Variants in LRCH2 observed in about 807,000 individuals in gnomAD.
The protein encoded by LRCH2 is leucine-rich repeat and calponin homology domain-containing protein 2.
A neutral mutation model predicts 68.9 loss-of-function variants in LRCH2; 38 were observed. That is an observed-to-expected ratio of 0.55 (90% confidence interval 0.43 to 0.72). LRCH2 has a LOEUF of 0.72. LRCH2 is among the 30% of genes least tolerant of loss of function. The pLI is 0.00. For missense variants in LRCH2, 528 were observed against 572.9 expected (o/e 0.92, Z 0.80); for synonymous variants, 191 against 208.1 (o/e 0.92, Z 0.71).
chrX:115,144,122 A>T (rs782131149), intron 14 of LRCH2, among the ~76,000 whole-genome samples: 6 of 110,976 alleles, frequency 5.4e-5, no homozygotes, highest in African/African-American at 9.8e-5. Flanking sequence ...TGATTTGAAA[A>T]ACAGGAGTTT....
At chrX:115,119,273 T>C (rs1251173346) in intron 20 of LRCH2, among the ~76,000 whole-genome samples, 3 of 108,902 alleles carry the variant, frequency 2.8e-5, no homozygotes, top group Admixed American at 9.9e-5. Context: ...GAAAACCCCA[T>C]TGTCTCAGCC....
chrX:115,219,768 G>A (rs150987113), intron 1 of LRCH2, among the ~76,000 whole-genome samples: 282 of 111,906 alleles, frequency 2.5e-3, no homozygotes, highest in African/African-American at 8.3e-3. Context: ...CCTTGAGGCC[G>A]CCTCCTGTAA....
chrX:115,218,372 C>T (rs182875227), intron 1 of LRCH2, among the ~76,000 whole-genome samples: 2 of 112,063 alleles, frequency 1.8e-5, no homozygotes, highest in East Asian at 5.7e-4. Flanking sequence ...ACGCTGACTT[C>T]CTAGAACTAA....
chrX:115,133,007 GT>G (rs2072259114), intron 14 of LRCH2, among the ~76,000 whole-genome samples: 1 of 111,138 alleles, frequency 9.0e-6, no homozygotes, highest in Non-Finnish European at 1.9e-5. Context: ...GAGAAATTTG[GT>G]AAGTCAAAAT....
chrX:115,130,414 G>A (rs1267459714), intron 14 of LRCH2, among the ~76,000 whole-genome samples: 1 of 111,845 alleles, frequency 8.9e-6, no homozygotes, highest in Non-Finnish European at 1.9e-5. Context: ...ACTTTATACA[G>A]ATCAAGTAAC....
At chrX:115,140,952 G>T (rs1262622792) in intron 14 of LRCH2, among the ~76,000 whole-genome samples, 1 of 111,268 alleles carries the variant, frequency 9.0e-6, no homozygotes. Flanking sequence ...CACACTTGAG[G>T]CCAGGCGTGG....
rs1556522859 is a variant in LRCH2 at position 115,111,978 on chromosome X, T to C, written c.*1238A>G. The C allele has an allele frequency of 8.9e-6, 1 of 112,293 alleles. No individual in the cohort carries two copies. The highest frequency in any genetic ancestry group is 3.2e-5 in the African/African-American group (1 of 30,928). 9.3% of individuals were successfully genotyped at this position (112,293 alleles called of 1,213,427 possible). A position where few individuals can be genotyped will look rare whatever the true frequency, so the allele number is the denominator to read the frequency against. ...TCAGTTATTCATTACAGTAATGTTT[T>C]TGAAAAATTCCTGCAATACCACCAA... is the stretch of plus-strand genomic sequence containing the variant. On this transcript the variant is annotated 3_prime_UTR_variant, in exon 21 of 21. Transcript: ENST00000317135.
chrX:115,197,149 T>G (rs1556563655), intron 1 of LRCH2, among the ~76,000 whole-genome samples: 1 of 111,657 alleles, frequency 9.0e-6, no homozygotes, highest in Non-Finnish European at 1.9e-5. Flanking sequence ...AAGTCCCCCA[T>G]CCACGTGAAA....
At chrX:115,218,677 C>T (rs1024283832) in intron 1 of LRCH2, among the ~76,000 whole-genome samples, 2 of 112,216 alleles carry the variant, frequency 1.8e-5, no homozygotes, top group Admixed American at 1.9e-4. Flanking sequence ...TGCAACCAAT[C>T]AGATTGATTG....
chrX:115,234,033 C>T lies in LRCH2; in HGVS notation c.9G>A (p.Ala3=), dbSNP rs1161605786. The change falls in exon 1 of 21, where the codon GCG becomes GCA. Residue 3 remains alanine, a synonymous_variant. Transcript: ENST00000317135. Reference sequence around the variant, plus strand: ...CACTGTTACCGCCTCCTCCCTGACTCGCCGCCATGTTCCTGGGAGAGAGAA... The same window carrying T: ...CACTGTTACCGCCTCCTCCCTGACTTGCCGCCATGTTCCTGGGAGAGAGAA... The part of the protein sequence containing the change: MA[A]SQGGGGNSGG... 21 of 1,165,678 alleles carry T rather than the reference C, an allele frequency of 1.8e-5. No homozygotes were observed. The highest frequency in any genetic ancestry group is 1.8e-5 in the Non-Finnish European group (16 of 872,375).
intron 1 of LRCH2, chrX:115,189,321 C>A: frequency 1.4e-6 from 1 of 726,753 alleles, no homozygotes; most frequent in Non-Finnish European, 2.0e-6. Context: ...TCTTTTCCTT[C>A]TTGAGACATC....
intron 1 of LRCH2, chrX:115,189,324 G>C (rs1337066867): frequency 2.7e-6 from 2 of 753,441 alleles, no homozygotes; most frequent in Non-Finnish European, 3.8e-6. Flanking sequence ...TTTCCTTCTT[G>C]AGACATCCAC....
intron 1 of LRCH2, among the ~76,000 whole-genome samples, chrX:115,232,779 A>C (rs2073161393): frequency 8.9e-6 from 1 of 111,920 alleles, no homozygotes; most frequent in South Asian, 3.7e-4. Flanking sequence ...AAAGTAAAAA[A>C]AAACCTTTCA....
At chrX:115,118,810 C>T (rs2072108075) in intron 20 of LRCH2, among the ~76,000 whole-genome samples, 1 of 110,259 alleles carries the variant, frequency 9.1e-6, no homozygotes, top group African/African-American at 3.3e-5. Context: ...CATCAAAAAG[C>T]TTATCCACCA....
chrX:115,136,275 C>A lies in LRCH2; in HGVS notation c.1696-6076G>T, dbSNP rs2072289165. ...TCTTGATATCTGCAAGGGATTGGTT[C>A]CAAGACCCCTACCCCCGCCTCACCC... On this transcript the variant is annotated intron_variant, in intron 14 of 20. Coordinates refer to ENST00000317135, the MANE Select transcript of LRCH2 (RefSeq NM_020871.4). 4.5e-5 allele frequency among the ~76,000 whole-genome samples: 5 copies of A among 111,057 alleles called. No individual in the cohort carries two copies. The South Asian group carries it at 1.9e-3, about 42-fold the overall frequency.
intron 3 of LRCH2, among the ~76,000 whole-genome samples, chrX:115,180,292 C>T (rs1556552018): frequency 2.7e-5 from 3 of 111,027 alleles, no homozygotes; most frequent in Non-Finnish European, 1.9e-5. Context: ...TGACTCATCT[C>T]ATAGCTCAAA....
intron 5 of LRCH2, among the ~76,000 whole-genome samples, chrX:115,172,403 A>G (rs933399749): frequency 2.8e-4 from 31 of 112,210 alleles, no homozygotes; most frequent in African/African-American, 9.4e-4. Flanking sequence ...CAGGGTTAAC[A>G]TAAGAATTAA....
rs1001521968 is a variant in LRCH2, at chrX:115,181,227, G to C, written c.622-1476C>G. Among the ~76,000 whole-genome samples the C allele has an allele frequency of 5.4e-5, 6 of 111,061 alleles. 1 individual carries two copies. In the Admixed American group the frequency reaches 5.8e-4, roughly 11 times the overall value. On this transcript the variant is annotated intron_variant, in intron 3 of 20. Coordinates refer to ENST00000317135, the MANE Select transcript of LRCH2 (RefSeq NM_020871.4). The stretch of plus-strand genomic sequence containing the variant: ...CAAGGGAGAGAGTAGAATAGAGGGA[G>C]GGATATGACTTTAGCTTTTATTCTG...
intron 14 of LRCH2, among the ~76,000 whole-genome samples, chrX:115,147,711 G>A (rs921393187): frequency 1.8e-5 from 2 of 110,753 alleles, no homozygotes; most frequent in Non-Finnish European, 3.8e-5. Context: ...TTAAAATGTG[G>A]CCTCTATTAA....
Sources: allele counts gnomAD v4.1 joint callset (sites outside exome capture counted in the v4.1 genomes callset), GRCh38; gene constraint gnomAD v4.1.1; transcripts MANE v1.5; gene names NCBI Gene and HGNC (gene_info 2026-07-23, HGNC 2026-07-21).